TMEM117: variants seen among roughly 807,000 people sequenced by gnomAD.
TMEM117 encodes transmembrane protein 117.
A neutral mutation model predicts 52.4 loss-of-function variants in TMEM117; 27 were observed. That is an observed-to-expected ratio of 0.51 (90% confidence interval 0.38 to 0.71). The LOEUF (loss-of-function observed/expected upper bound fraction) is 0.71. TMEM117 is among the 30% of genes least tolerant of loss of function. The pLI, the probability that TMEM117 is intolerant of heterozygous loss-of-function variation, is 0.00. For synonymous variants in TMEM117, 215 were observed against 206.3 expected (o/e 1.04, Z -0.36); for missense variants, 556 against 630.5 (o/e 0.88, Z 1.26).
chr12:44,208,142 G>A (rs1949594655), intron 4 of TMEM117, among the ~76,000 whole-genome samples: 3 of 152,106 alleles, frequency 2.0e-5, no homozygotes, highest in African/African-American at 7.2e-5. Context: ...GATTTCTGTA[G>A]AGATAATTGT....
chr12:44,312,848 C>T (rs1247151694), intron 6 of TMEM117, among the ~76,000 whole-genome samples: 1 of 152,140 alleles, frequency 6.6e-6, no homozygotes, highest in Non-Finnish European at 1.5e-5. Context: ...TTGCATTTCT[C>T]TGATGATTAG....
At chr12:44,248,275 G>T (rs939768096) in intron 5 of TMEM117, among the ~76,000 whole-genome samples, 12 of 152,140 alleles carry the variant, frequency 7.9e-5, no homozygotes, top group African/African-American at 2.7e-4. Flanking sequence ...CATTTACATA[G>T]ACCAAACATG....
chr12:44,108,043 T>C (rs536062394), intron 3 of TMEM117, among the ~76,000 whole-genome samples: 3 of 152,260 alleles, frequency 2.0e-5, no homozygotes, highest in South Asian at 4.1e-4. Context: ...TGATACTTTT[T>C]AGTAAAATGA....
chr12:44,265,509 C>A (rs1375511092), intron 5 of TMEM117, among the ~76,000 whole-genome samples: 2 of 152,066 alleles, frequency 1.3e-5, no homozygotes, highest in African/African-American at 4.8e-5. Context: ...TGAGAGAGGG[C>A]AGAGCTTTGA....
At chr12:43,965,838 A>G (rs1327699098) in intron 3 of TMEM117, among the ~76,000 whole-genome samples, 1 of 152,120 alleles carries the variant, frequency 6.6e-6, no homozygotes, top group Non-Finnish European at 1.5e-5. Flanking sequence ...GGTATGATTG[A>G]TCTTGTCACC....
intron 3 of TMEM117, among the ~76,000 whole-genome samples, chr12:44,110,034 T>C (rs1175259226): frequency 1.9e-4 from 15 of 79,392 alleles, no homozygotes; most frequent in Admixed American, 2.8e-4. Flanking sequence ...ATAAGAATGC[T>C]TGTGATTTTT....
chr12:44,227,655 T>A (rs995030955), intron 5 of TMEM117, among the ~76,000 whole-genome samples: 2 of 152,130 alleles, frequency 1.3e-5, no homozygotes, highest in African/African-American at 4.8e-5. Flanking sequence ...ATTTTATATA[T>A]GTCGCATTTT....
chr12:43,841,810 T>C (rs1277818384), intron 1 of TMEM117, among the ~76,000 whole-genome samples: 1 of 152,140 alleles, frequency 6.6e-6, no homozygotes, highest in Non-Finnish European at 1.5e-5. Flanking sequence ...GAGCCTCAGT[T>C]TCCTCTCTGT....
intron 3 of TMEM117, among the ~76,000 whole-genome samples, chr12:44,066,684 A>C (rs1193805295): frequency 6.6e-6 from 1 of 152,200 alleles, no homozygotes; most frequent in African/African-American, 2.4e-5. Context: ...TTAATTGCTA[A>C]AAAATGCTAA....
chr12:43,798,456 G>C, the TMEM117 span: 1 of 1,073,950 alleles, frequency 9.3e-7, no homozygotes, highest in South Asian at 1.7e-5. Flanking sequence ...TCGCAGTGTT[G>C]CAACAGAAAG....
intron 4 of TMEM117, among the ~76,000 whole-genome samples, chr12:44,178,800 T>A (rs1949150443): frequency 6.6e-6 from 1 of 152,162 alleles, no homozygotes; most frequent in East Asian, 1.9e-4. Context: ...TTAAATGGGA[T>A]AATGTGTATA....
chr12:44,090,530 G>A (rs984376254), intron 3 of TMEM117, among the ~76,000 whole-genome samples: 6 of 151,544 alleles, frequency 4.0e-5, no homozygotes, highest in African/African-American at 7.3e-5. Context: ...TCTGCCTCCC[G>A]GGCTCAGGCA....
At chr12:43,885,980 T>C (rs1731432) in intron 2 of TMEM117, among the ~76,000 whole-genome samples, 105,598 of 152,048 alleles carry the variant, frequency 0.69, 40,939 homozygotes, top group East Asian at 0.87. Flanking sequence ...GAGGTATTTC[T>C]AGAATATTGA....
At chr12:44,078,652 C>T (rs7956717) in intron 3 of TMEM117, among the ~76,000 whole-genome samples, 2,397 of 152,008 alleles carry the variant, frequency 0.016, 73 homozygotes, top group African/African-American at 0.054. Flanking sequence ...TTTGAGATGC[C>T]TTACAATTGT....
rs1948139119 is a variant in TMEM117 at position 44,116,149 on chromosome 12, T to C, written c.411-27376T>C. ...ATATTTCAATTCTTAATTTTCTCTC[T>C]TTAAGCATTTCATGCTGTCAATCAT... On this transcript the variant is annotated intron_variant, in intron 3 of 7. Transcript: ENST00000266534. Among the ~76,000 whole-genome samples the C allele has an allele frequency of 3.3e-5, 5 of 152,248 alleles. No individual in the cohort carries two copies. The South Asian group carries it at 1.0e-3, about 32-fold the overall frequency.
chr12:44,223,839 A>C lies in TMEM117; in HGVS notation c.608+12452A>C, dbSNP rs145641578. Among the ~76,000 whole-genome samples, 336 of 152,284 alleles carry C rather than the reference A, an allele frequency of 2.2e-3. 4 individuals are homozygous for C. Among genetic ancestry groups the C allele is most frequent in the African/African-American group, 7.8e-3 (323 of 41,562 alleles). On this transcript the variant is annotated intron_variant, in intron 5 of 7. Transcript: ENST00000266534. ...AGAAATTCAGGTCAATGATAAGCAAAAATACCAAAGCTGCCAAGAGAAGCT... is the reference window on the plus strand; with the variant it reads ...AGAAATTCAGGTCAATGATAAGCAACAATACCAAAGCTGCCAAGAGAAGCT...
intron 3 of TMEM117, among the ~76,000 whole-genome samples, chr12:44,137,165 T>G (rs1290825756): frequency 6.6e-6 from 1 of 150,484 alleles, no homozygotes; most frequent in Non-Finnish European, 1.5e-5. Flanking sequence ...AGAAGGGCAA[T>G]GTAAGAAAAT....
chr12:43,797,635 T>C, the TMEM117 span: 2 of 1,508,220 alleles, frequency 1.3e-6, no homozygotes, highest in Non-Finnish European at 1.8e-6. Context: ...TAAAATCCAT[T>C]AATAATAAAC....
At chr12:44,352,063 G>A (rs1048655596) in intron 6 of TMEM117, among the ~76,000 whole-genome samples, 1 of 151,690 alleles carries the variant, frequency 6.6e-6, no homozygotes, top group African/African-American at 2.4e-5. Context: ...CACTTTTCTT[G>A]CCTTTTTCTC....
Sources: gnomAD v4.1 joint callset for allele counts (sites outside exome capture counted in the v4.1 genomes callset) on GRCh38, gnomAD v4.1.1 for gene constraint, MANE v1.5 for transcripts, NCBI Gene and HGNC (gene_info 2026-07-23, HGNC 2026-07-21) for gene names.